NKAIN2: variants seen among roughly 807,000 people sequenced by gnomAD.
NKAIN2 encodes the protein sodium/potassium-transporting ATPase subunit beta-1-interacting protein 2.
In NKAIN2, 14 loss-of-function variants were observed where a neutral mutation model predicts 32.6. The observed-to-expected ratio is 0.43, with a 90% CI of 0.28 to 0.67. The LOEUF (loss-of-function observed/expected upper bound fraction) is 0.67. Ranked by LOEUF, NKAIN2 falls within the 30% of genes least tolerant of loss-of-function variation. The probability of loss-of-function intolerance (pLI) is 0.17; values close to 1 mark genes in which losing one functional copy is unlikely to be tolerated. For synonymous variants in NKAIN2, 80 were observed against 87.2 expected, an observed-to-expected ratio of 0.92 and a Z score of 0.46; for missense variants, 198 against 258.3, an observed-to-expected ratio of 0.77 and a Z score of 1.60.
At chr6:124,364,425 A>G (rs987815048) in intron 3 of NKAIN2, among the ~76,000 whole-genome samples, 1 of 152,052 alleles carries the variant, frequency 6.6e-6, no homozygotes, top group Non-Finnish European at 1.5e-5. Context: ...GAATACTTTC[A>G]TATTTCAAGT....
intron 3 of NKAIN2, among the ~76,000 whole-genome samples, chr6:124,531,017 A>G (rs1779506562): frequency 6.6e-6 from 1 of 152,180 alleles, no homozygotes; most frequent in African/African-American, 2.4e-5. Context: ...ACCCCCATAG[A>G]CATATCCAGA....
At chr6:124,431,414 G>T (rs1157578138) in intron 3 of NKAIN2, among the ~76,000 whole-genome samples, 1 of 152,062 alleles carries the variant, frequency 6.6e-6, no homozygotes, top group Non-Finnish European at 1.5e-5. Flanking sequence ...TATTCAAAAC[G>T]TATTTTAAAA....
At chr6:123,992,746 G>A (rs1383999864) in intron 1 of NKAIN2, among the ~76,000 whole-genome samples, 3 of 152,180 alleles carry the variant, frequency 2.0e-5, no homozygotes, top group Non-Finnish European at 2.9e-5. Context: ...TGATCCAATC[G>A]GAGTAATTCA....
chr6:124,258,246 C>G (rs1322980272), intron 1 of NKAIN2, among the ~76,000 whole-genome samples: 1 of 151,900 alleles, frequency 6.6e-6, no homozygotes, highest in Non-Finnish European at 1.5e-5. Flanking sequence ...AGCATGGTTC[C>G]AAAGCCTGCA....
At chr6:123,882,964 G>A (rs1263215538) in intron 1 of NKAIN2, among the ~76,000 whole-genome samples, 1 of 150,112 alleles carries the variant, frequency 6.7e-6, no homozygotes, top group Non-Finnish European at 1.5e-5. Context: ...TTTGGTCTGG[G>A]GTGTGTGTGT....
At chr6:124,266,286 A>C (rs1794490562) in intron 1 of NKAIN2, among the ~76,000 whole-genome samples, 1 of 152,058 alleles carries the variant, frequency 6.6e-6, no homozygotes, top group Non-Finnish European at 1.5e-5. Context: ...CTGGCTTCTC[A>C]CATTATTTAA....
chr6:124,792,466 A>C (rs1210744115), intron 5 of NKAIN2, among the ~76,000 whole-genome samples: 1 of 152,186 alleles, frequency 6.6e-6, no homozygotes, highest in Non-Finnish European at 1.5e-5. Context: ...TCACTAAATA[A>C]GCATTTGTAA....
intron 4 of NKAIN2, among the ~76,000 whole-genome samples, chr6:124,784,964 A>T: frequency 6.6e-6 from 1 of 152,150 alleles, no homozygotes. Flanking sequence ...TGGAATTAGT[A>T]AGTTTGTGTC....
chr6:124,347,240 C>T (rs9688354), intron 2 of NKAIN2, among the ~76,000 whole-genome samples: 6,389 of 150,486 alleles, frequency 0.042, 248 homozygotes, highest in African/African-American at 0.099. Flanking sequence ...GTGGGTAACC[C>T]GACCTTTCTC....
At chr6:124,724,313 T>C (rs1281291378) in intron 4 of NKAIN2, among the ~76,000 whole-genome samples, 2 of 151,862 alleles carry the variant, frequency 1.3e-5, no homozygotes, top group South Asian at 2.1e-4. Context: ...GGCTTAACCA[T>C]GGTAGGTGCC....
At chr6:124,439,402 T>C (rs1338240552) in intron 3 of NKAIN2, among the ~76,000 whole-genome samples, 1 of 151,874 alleles carries the variant, frequency 6.6e-6, no homozygotes, top group East Asian at 1.9e-4. Flanking sequence ...CTGTTTTGGG[T>C]GGACGACTAC....
At chr6:124,142,864 A>C (rs895637447) in intron 1 of NKAIN2, among the ~76,000 whole-genome samples, 1 of 152,214 alleles carries the variant, frequency 6.6e-6, no homozygotes, top group Admixed American at 6.5e-5. Flanking sequence ...AATTTATTTT[A>C]TCAATGACAA....
chr6:124,152,134 A>G (rs1310745096), intron 1 of NKAIN2, among the ~76,000 whole-genome samples: 1 of 151,980 alleles, frequency 6.6e-6, no homozygotes, highest in Non-Finnish European at 1.5e-5. Flanking sequence ...TTGTGTATGC[A>G]TGTGTGGTGT....
intron 1 of NKAIN2, among the ~76,000 whole-genome samples, chr6:124,126,510 A>G (rs1786172472): frequency 6.6e-6 from 1 of 152,154 alleles, no homozygotes; most frequent in African/African-American, 2.4e-5. Context: ...TCTATCTACT[A>G]TTGATGAATT....
chr6:124,204,995 AG>A (rs1337857190), intron 1 of NKAIN2, among the ~76,000 whole-genome samples: 11 of 148,134 alleles, frequency 7.4e-5, no homozygotes, highest in South Asian at 2.2e-4. Flanking sequence ...CAAAAAAAAA[AG>A]CCTATATATC....
chr6:123,993,074 A>C (rs1462687053), intron 1 of NKAIN2, among the ~76,000 whole-genome samples: 1 of 152,202 alleles, frequency 6.6e-6, no homozygotes, highest in African/African-American at 2.4e-5. Flanking sequence ...TGTGAGGATT[A>C]AATAGACTAA....
chr6:123,920,316 C>G (rs539665232), intron 1 of NKAIN2, among the ~76,000 whole-genome samples: 5 of 152,204 alleles, frequency 3.3e-5, no homozygotes, highest in African/African-American at 9.6e-5. Context: ...CTTTATAGCA[C>G]TGACAGATTT....
At chr6:124,718,232 C>G (rs777456850) in intron 4 of NKAIN2, among the ~76,000 whole-genome samples, 3 of 152,136 alleles carry the variant, frequency 2.0e-5, no homozygotes, top group Non-Finnish European at 2.9e-5. Context: ...CGCCATCTCT[C>G]CCCATCTCTC....
intron 1 of NKAIN2, among the ~76,000 whole-genome samples, chr6:124,207,948 G>A (rs1790979116): frequency 6.6e-6 from 1 of 151,868 alleles, no homozygotes. Flanking sequence ...GTATTCTGCA[G>A]GATGAGTCTT....
Sources: allele counts gnomAD v4.1 joint callset (sites outside exome capture counted in the v4.1 genomes callset), GRCh38; gene constraint gnomAD v4.1.1; transcripts MANE v1.5; gene names NCBI Gene and HGNC (gene_info 2026-07-23, HGNC 2026-07-21).